N4BP2L2: variants seen among roughly 807,000 people sequenced by gnomAD.
N4BP2L2 encodes the protein NEDD4-binding protein 2-like 2.
In N4BP2L2, 50 loss-of-function variants were observed where a neutral mutation model predicts 56.2. The ratio of observed to expected loss-of-function variants is 0.89; its 90% CI spans 0.71 to 1.13. The LOEUF (loss-of-function observed/expected upper bound fraction) is 1.13, where lower values mean the gene tolerates loss of function less well. Among genes scored for constraint, N4BP2L2 ranks in the 50% most tolerant of loss-of-function variants. N4BP2L2 has a pLI of 0.00. For missense variants in N4BP2L2, 689 were observed against 693.8 expected (o/e 0.99, Z 0.08); for synonymous variants, 203 against 223.6 (o/e 0.91, Z 0.82).
chr13:32,536,353 A>C lies in N4BP2L2; in HGVS notation c.675T>G (p.Ser225Arg), dbSNP rs769212555. Residue 225 changes from serine (S) to arginine (R), a missense_variant, in exon 2 of 6, where the codon AGT becomes AGG. Transcript: ENST00000267068. ...CACAATGTGATGGCATAGCTTTATTACTAAGATCTTTCTTTTCTTCATCAG... is the reference window on the plus strand; with the variant it reads ...CACAATGTGATGGCATAGCTTTATTCCTAAGATCTTTCTTTTCTTCATCAG... 1.9e-6 allele frequency: 3 copies of C among 1,613,952 alleles called. No individual in the cohort carries two copies. The African/African-American group carries it at 4.0e-5, about 22-fold the overall frequency.
At chr13:32,516,786 T>C in exon 6 of N4BP2L2, 1 of 392,482 alleles carries the variant, frequency 2.5e-6, no homozygotes. Flanking sequence ...TTAAGAGAAG[T>C]AGTAGTGTTT....
At chr13:32,475,522 C>T (rs1156780982) in intron 6 of N4BP2L2, among the ~76,000 whole-genome samples, 1 of 152,146 alleles carries the variant, frequency 6.6e-6, no homozygotes, top group Non-Finnish European at 1.5e-5. Flanking sequence ...GGTATGACGT[C>T]TACATAATGC....
chr13:32,514,171 A>T (rs1416320905), exon 6 of N4BP2L2: 1 of 152,192 alleles, frequency 6.6e-6, no homozygotes. Flanking sequence ...TTTAAAACAG[A>T]CAAAAATATA....
chr13:32,524,115 A>G (rs1490950722), intron 3 of N4BP2L2: 1 of 152,240 alleles, frequency 6.6e-6, no homozygotes, highest in Non-Finnish European at 1.5e-5. Flanking sequence ...GGGGAAATAC[A>G]TATTTGGGAG....
chr13:32,507,733 T>A (rs1190100125), downstream of N4BP2L2: 1 of 152,164 alleles, frequency 6.6e-6, no homozygotes, highest in Non-Finnish European at 1.5e-5. Context: ...CAGACTGGTA[T>A]AAGACAGGGT....
chr13:32,434,394 G>A (rs954569561), intron 9 of N4BP2L2, among the ~76,000 whole-genome samples: 11 of 151,658 alleles, frequency 7.3e-5, no homozygotes, highest in East Asian at 5.8e-4. Context: ...CACCGTGCCC[G>A]GCCAGTTTTT....
chr13:32,498,987 TAAAAAAA>T lies in N4BP2L2; in HGVS notation c.365+18863_365+18869del, dbSNP rs34972549. ...CTGGGTGACAGAGCAAGACTCTGTC[TAAAAAAA>T]AAAAAAAAAAAAAAAAATTAAAATT... is the stretch of plus-strand genomic sequence containing the variant. On this transcript the variant is annotated intron_variant, in intron 6 of 9. Transcript: ENST00000357505. Among the ~76,000 whole-genome samples the T allele has an allele frequency of 7.3e-3, 638 of 87,110 alleles. 4 individuals carry two copies. The highest frequency in any genetic ancestry group is 0.017 in the Middle Eastern group (3 of 176). 57.1% of individuals were successfully genotyped at this position (87,110 alleles called of 152,430 possible).
chr13:32,490,082 A>G (rs774065624), intron 6 of N4BP2L2: 20 of 152,062 alleles, frequency 1.3e-4, no homozygotes, highest in African/African-American at 4.6e-4. Context: ...CCCTACACAC[A>G]TAATCTTACC....
chr13:32,527,232 G>A lies in N4BP2L2; in HGVS notation c.1384+176C>T, dbSNP rs1034616452. 21 of 611,048 alleles carry A rather than the reference G, an allele frequency of 3.4e-5. No homozygotes were observed. In the Admixed American group the frequency reaches 4.5e-4, roughly 13 times the overall value. 37.9% of individuals were successfully genotyped at this position (611,048 alleles called of 1,614,324 possible). On this transcript the variant is annotated intron_variant, in intron 3 of 5. Coordinates refer to ENST00000267068, the Ensembl canonical transcript of N4BP2L2. Reference sequence around the variant, plus strand: ...CTGCTTTTCACAAAAACCCTGATCAGGTAGGGCAAGTATAATTATCACCAC... The same window carrying A: ...CTGCTTTTCACAAAAACCCTGATCAAGTAGGGCAAGTATAATTATCACCAC...
At chr13:32,503,172 CAAAA>C (rs35773755) in intron 6 of N4BP2L2, among the ~76,000 whole-genome samples, 5 of 57,990 alleles carry the variant, frequency 8.6e-5, no homozygotes, top group African/African-American at 1.2e-4. Context: ...GACTCTGTAG[CAAAA>C]AAAAAAAAAA....
exon 2 of N4BP2L2, chr13:32,536,141 C>T: frequency 6.2e-7 from 1 of 1,613,920 alleles, no homozygotes; most frequent in Non-Finnish European, 8.5e-7. Flanking sequence ...ATTTGGTGGA[C>T]CACTGAATCT....
chr13:32,443,233 G>C (rs766798218), exon 7 of N4BP2L2: 1 of 1,613,862 alleles, frequency 6.2e-7, no homozygotes, highest in South Asian at 1.1e-5. Context: ...CAATATTTCT[G>C]GATTGTTTCC....
chr13:32,460,560 C>A (rs1386381135), intron 6 of N4BP2L2, among the ~76,000 whole-genome samples: 1 of 151,964 alleles, frequency 6.6e-6, no homozygotes, highest in South Asian at 2.1e-4. Context: ...ATAATACCTA[C>A]ACACACAAAA....
intron 6 of N4BP2L2, among the ~76,000 whole-genome samples, chr13:32,458,174 C>T (rs1011742043): frequency 1.3e-5 from 2 of 152,166 alleles, no homozygotes; most frequent in African/African-American, 4.8e-5. Context: ...ATGCCATTCT[C>T]CTGCCTCAGT....
At chr13:32,440,265 C>T (rs147380665) in intron 7 of N4BP2L2, among the ~76,000 whole-genome samples, 49 of 152,046 alleles carry the variant, frequency 3.2e-4, no homozygotes, top group Admixed American at 1.0e-3. Flanking sequence ...AGCTTTGAGA[C>T]GAAATGGGTC....
exon 6 of N4BP2L2, chr13:32,517,161 G>A (rs139529417): frequency 5.1e-6 from 5 of 985,386 alleles, no homozygotes; most frequent in Non-Finnish European, 6.0e-6. Context: ...GATGGGTTGA[G>A]AAGGAGGATG....
intron 6 of N4BP2L2, among the ~76,000 whole-genome samples, chr13:32,448,925 CTAGCAGTGGGATCCCTCAGT>C (rs1055731803): frequency 1.9e-4 from 29 of 152,202 alleles, no homozygotes; most frequent in African/African-American, 4.6e-4. Flanking sequence ...CAGGCCTTAG[CTAGCAGTGGGATCCCTCAGT>C]TAGCAGTGGG....
At chr13:32,509,124 T>C (rs917835726), downstream of N4BP2L2, 4 of 152,122 alleles carry the variant, frequency 2.6e-5, no homozygotes, top group African/African-American at 9.7e-5. Flanking sequence ...GGTCTGGAAA[T>C]CCTTTCCCCA....
chr13:32,454,437 T>C (rs138984757), intron 6 of N4BP2L2, among the ~76,000 whole-genome samples: 1 of 152,056 alleles, frequency 6.6e-6, no homozygotes, highest in Admixed American at 6.6e-5. Flanking sequence ...GGGTGAAATA[T>C]GATTACAGAT....
Sources: allele counts gnomAD v4.1 joint callset (sites outside exome capture counted in the v4.1 genomes callset), GRCh38; gene constraint gnomAD v4.1.1; transcripts MANE v1.5; gene names NCBI Gene and HGNC (gene_info 2026-07-23, HGNC 2026-07-21).